Variants in ATF7 observed in about 807,000 individuals in gnomAD.
ATF7 encodes the protein activating transcription factor 7, also known as cyclic AMP-dependent transcription factor ATF-7.
A neutral mutation model predicts 50.4 loss-of-function variants in ATF7; 10 were observed. The ratio of observed to expected loss-of-function variants is 0.20; its 90% confidence interval spans 0.12 to 0.34. The LOEUF is 0.34. Ranked by LOEUF, ATF7 falls within the 10% of genes least tolerant of loss-of-function variation. The probability of loss-of-function intolerance (pLI) is 1.00; values close to 1 mark genes in which losing one functional copy is unlikely to be tolerated. For missense variants in ATF7, 465 were observed against 613.9 expected (o/e 0.76, Z 2.56); for synonymous variants, 201 against 226.4 (o/e 0.89, Z 1.01).
At chr12:53,607,658 A>T (rs1402267327) in intron 1 of ATF7, among the ~76,000 whole-genome samples, 1 of 152,194 alleles carries the variant, frequency 6.6e-6, no homozygotes, top group East Asian at 1.9e-4. Context: ...TGGGAAAAAA[A>T]AACAGAATAT....
At chr12:53,622,897 T>G (rs771438940) in intron 1 of ATF7, among the ~76,000 whole-genome samples, 6 of 152,098 alleles carry the variant, frequency 3.9e-5, no homozygotes, top group Non-Finnish European at 7.3e-5. Context: ...AGGCCAAGAG[T>G]CCTAGTTACT....
intron 1 of ATF7, among the ~76,000 whole-genome samples, chr12:53,616,730 C>T (rs1261770663): frequency 4.0e-5 from 6 of 151,514 alleles, no homozygotes; most frequent in Non-Finnish European, 8.8e-5. Context: ...ATTGCCTGAG[C>T]TCAGGAGTTC....
At chr12:53,561,052 C>T (rs528792163) in intron 2 of ATF7, among the ~76,000 whole-genome samples, 2 of 150,522 alleles carry the variant, frequency 1.3e-5, no homozygotes, top group Non-Finnish European at 3.0e-5. Flanking sequence ...CTCAAGCAAT[C>T]TTCCCACCTC....
At chr12:53,563,010 ATTC>A (rs1429325791) in intron 2 of ATF7, among the ~76,000 whole-genome samples, 1 of 152,140 alleles carries the variant, frequency 6.6e-6, no homozygotes, top group African/African-American at 2.4e-5. Context: ...ATTTTCTGCT[ATTC>A]TTCTACTAAC....
intron 1 of ATF7, among the ~76,000 whole-genome samples, chr12:53,608,779 G>T (rs1176428856): frequency 1.3e-5 from 2 of 152,074 alleles, no homozygotes; most frequent in Non-Finnish European, 2.9e-5. Context: ...AGATAATTTA[G>T]CTGCCATTAA....
chr12:53,552,440 A>T, intron 3 of ATF7, 101 bp downstream of exon 3: 1 of 907,282 alleles, frequency 1.1e-6, no homozygotes, highest in Non-Finnish European at 1.8e-6. Context: ...AAGGGCTCTT[A>T]ATGGGAGAAA....
At chr12:53,556,622 G>A (rs2137534887) in intron 2 of ATF7, among the ~76,000 whole-genome samples, 2 of 152,264 alleles carry the variant, frequency 1.3e-5, no homozygotes, top group South Asian at 4.1e-4. Flanking sequence ...AAAAACCAAA[G>A]TGATTGCTAA....
At chr12:53,578,783 CAAA>C (rs10718181) in intron 2 of ATF7, among the ~76,000 whole-genome samples, 212 of 106,634 alleles carry the variant, frequency 2.0e-3, no homozygotes, top group African/African-American at 6.2e-3. Context: ...GATGCTGTCT[CAAA>C]AAAAAAAAAA....
chr12:53,517,918 G>A (rs1448526416), intron 11 of ATF7, among the ~76,000 whole-genome samples: 1 of 152,070 alleles, frequency 6.6e-6, no homozygotes, highest in African/African-American at 2.4e-5. Context: ...AGGCTGGAGT[G>A]CAGTGGTGCA....
At chr12:53,554,646 T>C (rs1940596709) in intron 2 of ATF7, among the ~76,000 whole-genome samples, 1 of 151,084 alleles carries the variant, frequency 6.6e-6, no homozygotes, top group African/African-American at 2.4e-5. Flanking sequence ...GTGGATCACT[T>C]AAGGTAAGGA....
At chr12:53,572,796 T>C (rs562648663) in intron 2 of ATF7, among the ~76,000 whole-genome samples, 15 of 151,876 alleles carry the variant, frequency 9.9e-5, no homozygotes, top group African/African-American at 3.6e-4. Flanking sequence ...AATTTTTTTT[T>C]TTTTTTTGAG....
intron 2 of ATF7, among the ~76,000 whole-genome samples, chr12:53,593,960 G>C (rs1943050164): frequency 6.6e-6 from 1 of 152,246 alleles, no homozygotes; most frequent in African/African-American, 2.4e-5. Context: ...CTGCATTAAA[G>C]AAATACGCTA....
In ATF7 at chr12:53,539,010, G is replaced by C. The variant is rs541455599; in HGVS notation, c.265-1458C>G. Among the ~76,000 whole-genome samples, 4 of 152,170 alleles carry C rather than the reference G, an allele frequency of 2.6e-5. No individual in the cohort carries two copies. The East Asian group carries it at 7.7e-4, about 29-fold the overall frequency. On this transcript the variant is annotated intron_variant, in intron 4 of 11. Coordinates refer to ENST00000420353, the MANE Select transcript of ATF7 (RefSeq NM_006856.3). ...ACAACCATAGATTTGAAATCCTCTA[G>C]GGCATCTCCTAGCAAAGCTGCGGTT...
At chr12:53,585,732 T>C (rs997164690) in intron 2 of ATF7, among the ~76,000 whole-genome samples, 1 of 151,946 alleles carries the variant, frequency 6.6e-6, no homozygotes, top group South Asian at 2.1e-4. Context: ...CACTGATTTT[T>C]CTATCACTAC....
Position 53,516,959 on chromosome 12 carries a change from G to C in ATF7, c.*178C>G. On this transcript the variant is annotated 3_prime_UTR_variant, in exon 12 of 12. Transcript: ENST00000420353. Reference sequence around the variant, plus strand: ...CGGGGCTGGGAGGCCCCCAGCACAGGTGTCAAACGTACATGACCACATGGC... The same window carrying C: ...CGGGGCTGGGAGGCCCCCAGCACAGCTGTCAAACGTACATGACCACATGGC... 1 of 714,234 alleles carries C rather than the reference G, an allele frequency of 1.4e-6. No individual in the cohort carries two copies. The highest frequency in any genetic ancestry group is 2.3e-6 in the Non-Finnish European group (1 of 431,152). 44.2% of individuals were successfully genotyped at this position (714,234 alleles called of 1,614,324 possible).
intron 11 of ATF7, among the ~76,000 whole-genome samples, chr12:53,518,277 C>T (rs1017989875): frequency 2.0e-5 from 3 of 152,260 alleles, no homozygotes; most frequent in African/African-American, 7.2e-5. Context: ...GGCCCGGGTT[C>T]AGTTAACATG....
chr12:53,613,207 C>T (rs376631165), intron 1 of ATF7, among the ~76,000 whole-genome samples: 9 of 152,118 alleles, frequency 5.9e-5, no homozygotes, highest in East Asian at 5.8e-4. Flanking sequence ...ATACAATTAC[C>T]TGAAAATAAT....
At chr12:53,543,774 G>C (rs955026213) in intron 3 of ATF7, 3 of 252,576 alleles carry the variant, frequency 1.2e-5, no homozygotes, top group Admixed American at 1.0e-4. Context: ...AGGTGACACA[G>C]TTTTGTGAAA....
Position 53,516,857 on chromosome 12 carries a change from T to C in ATF7, c.*280A>G. 2.1e-6 allele frequency: 1 copy of C among 484,130 alleles called. No individual in the cohort carries two copies. The highest frequency in any genetic ancestry group is 3.8e-6 in the Non-Finnish European group (1 of 263,310). 30.0% of individuals were successfully genotyped at this position (484,130 alleles called of 1,614,324 possible). On this transcript the variant is annotated 3_prime_UTR_variant, in exon 12 of 12. Coordinates refer to ENST00000420353, the MANE Select transcript of ATF7 (RefSeq NM_006856.3). ...ATACACGTGCATGGGGCAGGGGTGA[T>C]TGTTCGGACCATCTGGAAAGGCCTT...
Sources: allele counts gnomAD v4.1 joint callset (sites outside exome capture counted in the v4.1 genomes callset), GRCh38; gene constraint gnomAD v4.1.1; transcripts MANE v1.5; gene names NCBI Gene and HGNC (gene_info 2026-07-23, HGNC 2026-07-21).